Variants in ANKRD29 observed in about 807,000 individuals in gnomAD.
ANKRD29 encodes ankyrin repeat domain 29.
In ANKRD29, 32 loss-of-function variants were observed where a neutral mutation model predicts 38.0. That is an observed-to-expected ratio of 0.84 (90% confidence interval 0.64 to 1.13). The LOEUF is 1.13. Ranked by LOEUF, ANKRD29 falls within the 50% of genes most tolerant of loss-of-function variation. ANKRD29 has a pLI of 0.00. For missense variants in ANKRD29, 357 were observed against 377.9 expected (o/e 0.94, Z 0.46); for synonymous variants, 135 against 152.4 (o/e 0.89, Z 0.84).
intron 5 of ANKRD29, 138 bp downstream of exon 5, chr18:23,633,913 A>T: frequency 1.2e-6 from 1 of 824,492 alleles, no homozygotes; most frequent in Non-Finnish European, 2.0e-6. Context: ...GGTCCGCTAT[A>T]TATTTTTCTC....
intron 6 of ANKRD29, among the ~76,000 whole-genome samples, chr18:23,628,898 A>T (rs2059894676): frequency 6.6e-6 from 1 of 152,072 alleles, no homozygotes; most frequent in African/African-American, 2.4e-5. Context: ...AGCTAATTAT[A>T]ATACTGTACA....
At chr18:23,612,614 C>T (rs768193069) in intron 8 of ANKRD29, among the ~76,000 whole-genome samples, 8 of 152,186 alleles carry the variant, frequency 5.3e-5, no homozygotes, top group African/African-American at 9.7e-5. Flanking sequence ...GTTTAGCCAA[C>T]GGGCTGACCT....
chr18:23,639,960 A>C (rs866258509), intron 3 of ANKRD29, among the ~76,000 whole-genome samples: 3 of 152,198 alleles, frequency 2.0e-5, no homozygotes, highest in African/African-American at 4.8e-5. Flanking sequence ...TAGTTTTACA[A>C]AATGAAAAGA....
chr18:23,649,220 T>C (rs1262056430), intron 1 of ANKRD29, 27 bp from the exon 2 acceptor site: 2 of 1,555,598 alleles, frequency 1.3e-6, no homozygotes, highest in Admixed American at 3.5e-5. Context: ...AAACAGGATC[T>C]TAAAATTGAT....
intron 9 of ANKRD29, among the ~76,000 whole-genome samples, chr18:23,602,028 G>A (rs911101312): frequency 6.6e-6 from 1 of 150,996 alleles, no homozygotes; most frequent in African/African-American, 2.4e-5. Context: ...TCAGGACTCA[G>A]CACAGGTGTC....
intron 1 of ANKRD29, among the ~76,000 whole-genome samples, chr18:23,650,564 A>G (rs1568049040): frequency 6.6e-6 from 1 of 152,208 alleles, no homozygotes; most frequent in Non-Finnish European, 1.5e-5. Flanking sequence ...CTTCTTCTCT[A>G]AAATAATTGA....
intron 3 of ANKRD29, among the ~76,000 whole-genome samples, chr18:23,639,466 A>G (rs972991085): frequency 6.6e-6 from 1 of 152,194 alleles, no homozygotes; most frequent in African/African-American, 2.4e-5. Context: ...AGCCTTGATA[A>G]CATTATGCTA....
intron 5 of ANKRD29, among the ~76,000 whole-genome samples, chr18:23,630,988 A>G (rs1379557831): frequency 3.3e-5 from 5 of 151,324 alleles, no homozygotes; most frequent in Non-Finnish European, 7.4e-5. Context: ...AAAAAGAAAA[A>G]AAAGAAAAAA....
intron 1 of ANKRD29, among the ~76,000 whole-genome samples, chr18:23,656,328 T>C (rs181446259): frequency 5.3e-5 from 8 of 152,138 alleles, no homozygotes; most frequent in African/African-American, 1.9e-4. Context: ...AGAGCCTAAA[T>C]TGTGACTTAT....
chr18:23,620,164 G>A (rs1279266859), intron 6 of ANKRD29, among the ~76,000 whole-genome samples: 1 of 152,072 alleles, frequency 6.6e-6, no homozygotes, highest in East Asian at 1.9e-4. Context: ...TGGGGTCTGC[G>A]GGTCAGAGAA....
chr18:23,609,526 A>T (rs1363991345), intron 9 of ANKRD29, among the ~76,000 whole-genome samples: 1 of 152,196 alleles, frequency 6.6e-6, no homozygotes, highest in African/African-American at 2.4e-5. Context: ...GTCCTGATAC[A>T]TCGGTTCTGT....
chr18:23,653,604 C>T (rs1009642972), intron 1 of ANKRD29, among the ~76,000 whole-genome samples: 1 of 150,672 alleles, frequency 6.6e-6, no homozygotes, highest in African/African-American at 2.4e-5. Flanking sequence ...CTCCTCTCCC[C>T]TCTCCTTCCC....
At chr18:23,613,373 T>C (rs1444618313) in intron 8 of ANKRD29, among the ~76,000 whole-genome samples, 1 of 151,902 alleles carries the variant, frequency 6.6e-6, no homozygotes, top group African/African-American at 2.4e-5. Context: ...GGTTTCGCCA[T>C]GTTGCCTGGG....
At chr18:23,625,032 C>G (rs1406218800) in intron 6 of ANKRD29, among the ~76,000 whole-genome samples, 1 of 152,164 alleles carries the variant, frequency 6.6e-6, no homozygotes, top group Non-Finnish European at 1.5e-5. Context: ...CTACGATTTC[C>G]AGCCGTCACA....
intron 1 of ANKRD29, 30 bp downstream of exon 1, chr18:23,662,680 A>G: frequency 7.9e-7 from 1 of 1,266,376 alleles, no homozygotes; most frequent in South Asian, 1.4e-5. Context: ...GCCCGGCCCC[A>G]GCCCTGACCC....
At chr18:23,643,961 G>A (rs2060108618) in intron 3 of ANKRD29, among the ~76,000 whole-genome samples, 1 of 152,256 alleles carries the variant, frequency 6.6e-6, no homozygotes, top group South Asian at 2.1e-4. Context: ...TGGTACAGGA[G>A]GCTGAGGTCT....
intron 9 of ANKRD29, among the ~76,000 whole-genome samples, chr18:23,604,228 C>A (rs2059548297): frequency 6.6e-6 from 1 of 152,110 alleles, no homozygotes; most frequent in Admixed American, 6.5e-5. Flanking sequence ...AAATCCTGAC[C>A]ATAGGTCAAA....
At chr18:23,649,214 A>C (rs2060179922) in intron 1 of ANKRD29, 21 bp from the exon 2 acceptor site, 1 of 1,584,274 alleles carries the variant, frequency 6.3e-7, no homozygotes, top group African/African-American at 1.3e-5. Flanking sequence ...AAAATGAAAC[A>C]GGATCTTAAA....
At chr18:23,606,537 C>T (rs2059577129) in intron 9 of ANKRD29, among the ~76,000 whole-genome samples, 1 of 152,030 alleles carries the variant, frequency 6.6e-6, no homozygotes, top group Non-Finnish European at 1.5e-5. Context: ...TCTTGAACTT[C>T]CAGGCTCAAG....
Sources: allele counts gnomAD v4.1 joint callset (sites outside exome capture counted in the v4.1 genomes callset), GRCh38; gene constraint gnomAD v4.1.1; transcripts MANE v1.5; gene names NCBI Gene and HGNC (gene_info 2026-07-23, HGNC 2026-07-21).